SYN3: variants seen among roughly 807,000 people sequenced by gnomAD.
The protein encoded by SYN3 is synapsin-3.
SYN3 carries 35 observed loss-of-function variants against 65.8 expected under a neutral mutation model. The ratio of observed to expected loss-of-function variants is 0.53; its 90% CI spans 0.41 to 0.70. The LOEUF (loss-of-function observed/expected upper bound fraction) is 0.70. SYN3 is among the 30% of genes least tolerant of loss of function. The pLI, the probability that SYN3 is intolerant of heterozygous loss-of-function variation, is 0.00. For synonymous variants in SYN3, 270 were observed against 292.9 expected, an observed-to-expected ratio of 0.92 and a Z score of 0.80; for missense variants, 680 against 749.0, an observed-to-expected ratio of 0.91 and a Z score of 1.08.
intron 2 of SYN3, among the ~76,000 whole-genome samples, chr22:32,995,427 GTCTA>G (rs1482060968): frequency 2.6e-5 from 4 of 152,126 alleles, no homozygotes; most frequent in African/African-American, 9.7e-5. Flanking sequence ...CTCATTCATT[GTCTA>G]TCTAAGTATT....
chr22:32,995,667 C>CTTTTT (rs60646067), intron 2 of SYN3, among the ~76,000 whole-genome samples: 1 of 146,374 alleles, frequency 6.8e-6, no homozygotes. Flanking sequence ...ACTGAAGCTG[C>CTTTTT]TTTTTTTTTT....
chr22:32,573,769 T>G (rs1293346953), intron 7 of SYN3, among the ~76,000 whole-genome samples: 8 of 142,708 alleles, frequency 5.6e-5, no homozygotes, highest in Non-Finnish European at 1.2e-4. Flanking sequence ...AAGGGGTTTT[T>G]TTTTTTTTTT....
At chr22:32,622,442 C>T (rs2059608262) in intron 6 of SYN3, among the ~76,000 whole-genome samples, 1 of 152,150 alleles carries the variant, frequency 6.6e-6, no homozygotes, top group Non-Finnish European at 1.5e-5. Context: ...ATGGAGCCTA[C>T]CTTTATTGAT....
intron 6 of SYN3, among the ~76,000 whole-genome samples, chr22:32,796,308 G>A (rs572045790): frequency 2.1e-4 from 32 of 152,282 alleles, no homozygotes; most frequent in African/African-American, 7.7e-4. Context: ...ATACAACATG[G>A]CTTTACTGCA....
At chr22:32,693,850 T>G (rs1055190795) in intron 6 of SYN3, among the ~76,000 whole-genome samples, 10 of 152,058 alleles carry the variant, frequency 6.6e-5, no homozygotes, top group Non-Finnish European at 1.2e-4. Context: ...CCCAAAGTGC[T>G]GGGATTACAG....
chr22:32,939,338 G>A (rs868532112), intron 3 of SYN3, among the ~76,000 whole-genome samples: 1 of 152,138 alleles, frequency 6.6e-6, no homozygotes, highest in Non-Finnish European at 1.5e-5. Context: ...AGGTAAGGAT[G>A]TACATTTTAA....
intron 1 of SYN3, among the ~76,000 whole-genome samples, chr22:33,038,749 AT>A (rs2053906700): frequency 6.7e-6 from 1 of 149,756 alleles, no homozygotes; most frequent in Non-Finnish European, 1.5e-5. Flanking sequence ...CAGTCATCCT[AT>A]TTTACAGAAG....
intron 6 of SYN3, among the ~76,000 whole-genome samples, chr22:32,738,453 C>T (rs1206703072): frequency 6.6e-6 from 1 of 152,216 alleles, no homozygotes; most frequent in Non-Finnish European, 1.5e-5. Context: ...CTGGCAAATG[C>T]AAAGCGCCAA....
chr22:33,033,137 C>T (rs540679297), intron 1 of SYN3, among the ~76,000 whole-genome samples: 5 of 151,966 alleles, frequency 3.3e-5, no homozygotes, highest in African/African-American at 4.8e-5. Context: ...CCCACCACCA[C>T]GCCCAGCTAA....
chr22:32,952,708 T>C (rs563597945), intron 3 of SYN3, among the ~76,000 whole-genome samples: 53 of 152,130 alleles, frequency 3.5e-4, no homozygotes, highest in Non-Finnish European at 4.7e-4. Flanking sequence ...TGAGCTATGA[T>C]TGCACCATCG....
intron 8 of SYN3, among the ~76,000 whole-genome samples, chr22:32,539,529 TG>T (rs1325992949): frequency 2.0e-5 from 3 of 152,214 alleles, no homozygotes; most frequent in Admixed American, 1.3e-4. Flanking sequence ...GATACACACA[TG>T]TACTTCCTTA....
intron 6 of SYN3, among the ~76,000 whole-genome samples, chr22:32,719,119 T>C (rs2061080060): frequency 6.6e-6 from 1 of 152,212 alleles, no homozygotes; most frequent in Admixed American, 6.5e-5. Flanking sequence ...ATCCCCTCTT[T>C]GAGGTCCTGG....
intron 7 of SYN3, among the ~76,000 whole-genome samples, chr22:32,595,132 C>A (rs1329692608): frequency 6.6e-6 from 1 of 152,150 alleles, no homozygotes; most frequent in Non-Finnish European, 1.5e-5. Flanking sequence ...CATGGTTTGA[C>A]TGGTGTTAAA....
chr22:32,985,828 C>T (rs1185497432), intron 2 of SYN3, among the ~76,000 whole-genome samples: 1 of 152,010 alleles, frequency 6.6e-6, no homozygotes, highest in African/African-American at 2.4e-5. Context: ...GCCTTCACCT[C>T]TGCTTGGCAC....
chr22:32,888,927 T>C (rs540392101), intron 4 of SYN3, among the ~76,000 whole-genome samples: 1 of 152,354 alleles, frequency 6.6e-6, no homozygotes, highest in African/African-American at 2.4e-5. Context: ...GTTTAAGGGA[T>C]GATGAGTTCT....
At position 32,931,421 on chromosome 22, in the gene SYN3, GCATGTCCAC is replaced by G. The variant is rs1391588404; in HGVS notation, c.421_429del (p.Val141_Met143del). The stretch of plus-strand genomic sequence containing the variant: ...ACTTTGGTCCCATTTCTCACGACCT[GCATGTCCAC>G]CATGCAGCCCCCGGTCACATAGGCA... On this transcript the variant is annotated inframe_deletion, in exon 4 of 14. Coordinates refer to ENST00000358763, the MANE Select transcript of SYN3 (RefSeq NM_003490.4). 6.2e-7 allele frequency: 1 copy of G among 1,613,726 alleles called. No individual in the cohort carries two copies. The highest frequency in any genetic ancestry group is 1.1e-5 in the South Asian group (1 of 91,072).
At chr22:32,868,115 C>T (rs1601584826) in intron 5 of SYN3, among the ~76,000 whole-genome samples, 1 of 152,084 alleles carries the variant, frequency 6.6e-6, no homozygotes, top group Admixed American at 6.5e-5. Flanking sequence ...CACACGAGAG[C>T]GACAGTTTGA....
intron 12 of SYN3, among the ~76,000 whole-genome samples, chr22:32,524,424 G>C (rs1347274374): frequency 6.6e-6 from 1 of 152,186 alleles, no homozygotes; most frequent in Non-Finnish European, 1.5e-5. Flanking sequence ...GGGCCCTTAA[G>C]AATGATGCTA....
At chr22:32,900,493 G>A (rs1176663422) in intron 4 of SYN3, among the ~76,000 whole-genome samples, 1 of 152,138 alleles carries the variant, frequency 6.6e-6, no homozygotes, top group Admixed American at 6.6e-5. Context: ...TCTTCTAAGG[G>A]ATTTGGCAGT....
Sources: allele counts gnomAD v4.1 joint callset (sites outside exome capture counted in the v4.1 genomes callset), GRCh38; gene constraint gnomAD v4.1.1; transcripts MANE v1.5; gene names NCBI Gene and HGNC (gene_info 2026-07-23, HGNC 2026-07-21).